RBFOX1: variants seen among roughly 807,000 people sequenced by gnomAD.
RBFOX1 encodes the protein RNA binding fox-1 homolog 1.
In RBFOX1, 8 loss-of-function variants were observed where a neutral mutation model predicts 57.7. The observed-to-expected ratio is 0.14, with a 90% CI of 0.08 to 0.25. The LOEUF (loss-of-function observed/expected upper bound fraction) is 0.25, where lower values mean the gene tolerates loss of function less well. Ranked by LOEUF, RBFOX1 falls within the 10% of genes least tolerant of loss-of-function variation. RBFOX1 has a pLI of 1.00. For missense variants in RBFOX1, 611 were observed against 548.5 expected, an observed-to-expected ratio of 1.11 and a Z score of -1.14; for synonymous variants, 326 against 222.4, an observed-to-expected ratio of 1.47 and a Z score of -4.15.
chr16:6,337,343 G>A (rs770787315), intron 2 of RBFOX1, among the ~76,000 whole-genome samples: 4 of 152,146 alleles, frequency 2.6e-5, no homozygotes, highest in Non-Finnish European at 4.4e-5. Flanking sequence ...TCTTAGCAGC[G>A]AATATGGGGT....
chr16:5,584,581 A>C (rs1168631973), intron 2 of RBFOX1, among the ~76,000 whole-genome samples: 2 of 152,104 alleles, frequency 1.3e-5, no homozygotes, highest in Admixed American at 1.3e-4. Flanking sequence ...TGTTTTCTGG[A>C]ACTTTTCCCT....
intron 3 of RBFOX1, among the ~76,000 whole-genome samples, chr16:5,751,193 A>G (rs995924349): frequency 3.3e-5 from 5 of 152,134 alleles, no homozygotes; most frequent in African/African-American, 1.2e-4. Context: ...GCTCTCCCCG[A>G]AGGCTGTAAT....
chr16:6,178,573 G>C (rs1567621831), intron 1 of RBFOX1, among the ~76,000 whole-genome samples: 1 of 152,224 alleles, frequency 6.6e-6, no homozygotes, highest in East Asian at 1.9e-4. Flanking sequence ...CTATGAAGGA[G>C]AGCATATTTT....
In RBFOX1 at chr16:5,270,863, G is replaced by A. The variant is rs561571748; in HGVS notation, c.219+30758G>A. The A allele has an allele frequency of 3.7e-4, 152 of 414,000 alleles. 2 individuals are homozygous for A. Among genetic ancestry groups the A allele is most frequent in the African/African-American group, 2.7e-3 (130 of 47,388 alleles). 25.6% of individuals were successfully genotyped at this position (414,000 alleles called of 1,614,324 possible). ...AAAGGCATGGAGCTTCATGGTGAAGGTAGTAGTTCTGGAAAACCCACTAGG... is the reference window on the plus strand; with the variant it reads ...AAAGGCATGGAGCTTCATGGTGAAGATAGTAGTTCTGGAAAACCCACTAGG... On this transcript the variant is annotated intron_variant, in intron 1 of 2. Coordinates refer to the RBFOX1 transcript ENST00000585867.
At chr16:6,931,331 A>ATC (rs56903970) in intron 3 of RBFOX1, among the ~76,000 whole-genome samples, 6,302 of 85,068 alleles carry the variant, frequency 0.074, 161 homozygotes, top group East Asian at 0.12. Flanking sequence ...CTATCTATCT[A>ATC]TCTATCTCTA....
chr16:5,800,626 C>A (rs183889146), intron 3 of RBFOX1, among the ~76,000 whole-genome samples: 1 of 152,098 alleles, frequency 6.6e-6, no homozygotes, highest in African/African-American at 2.4e-5. Flanking sequence ...CTCAGGGACA[C>A]TTTTAGTGGC....
chr16:6,882,444 A>G (rs1326853745), intron 3 of RBFOX1, among the ~76,000 whole-genome samples: 1 of 151,940 alleles, frequency 6.6e-6, no homozygotes, highest in Non-Finnish European at 1.5e-5. Context: ...AAAATACAAA[A>G]TTATCTGGGC....
At chr16:7,349,274 C>G (rs1046027233) in intron 4 of RBFOX1, among the ~76,000 whole-genome samples, 1 of 152,198 alleles carries the variant, frequency 6.6e-6, no homozygotes, top group Non-Finnish European at 1.5e-5. Context: ...ACCAACCAGA[C>G]TTGCCTTGTC....
At position 6,334,145 on chromosome 16, in the gene RBFOX1, C is replaced by T. The variant is rs112115926; in HGVS notation, c.-64+17088C>T. Among the ~76,000 whole-genome samples the T allele has an allele frequency of 7.1e-3, 1,080 of 152,052 alleles. 18 individuals are homozygous for T. Among genetic ancestry groups the T allele is most frequent in the African/African-American group, 0.024 (1,016 of 41,476 alleles). On this transcript the variant is annotated intron_variant, in intron 2 of 15. Coordinates refer to ENST00000550418, the MANE Select transcript of RBFOX1 (RefSeq NM_018723.4). ...TTACTTTAGGGTTATTGAGAGATGC[C>T]GGCTAGTGGTACTTGGAAAGATAAG...
At chr16:6,021,915 T>G (rs1275149958) in intron 1 of RBFOX1, among the ~76,000 whole-genome samples, 1 of 152,164 alleles carries the variant, frequency 6.6e-6, no homozygotes, top group Non-Finnish European at 1.5e-5. Flanking sequence ...TTCTATGAGT[T>G]TTGTTTCTTT....
At chr16:6,052,656 C>A (rs1362561564) in intron 1 of RBFOX1, among the ~76,000 whole-genome samples, 1 of 151,738 alleles carries the variant, frequency 6.6e-6, no homozygotes, top group African/African-American at 2.4e-5. Flanking sequence ...CGGTGGCGGG[C>A]GCCTGTAGTC....
intron 1 of RBFOX1, among the ~76,000 whole-genome samples, chr16:6,099,290 G>C (rs1044574878): frequency 6.6e-6 from 1 of 152,174 alleles, no homozygotes; most frequent in South Asian, 2.1e-4. Flanking sequence ...TGGTTCATTG[G>C]TGTATAGATG....
At chr16:7,686,760 A>C (rs576957909) in intron 14 of RBFOX1, among the ~76,000 whole-genome samples, 3 of 152,240 alleles carry the variant, frequency 2.0e-5, no homozygotes, top group African/African-American at 7.2e-5. Flanking sequence ...GCAACAAAGC[A>C]TGGTTTTCAG....
At chr16:6,982,900 G>A (rs937355416) in intron 3 of RBFOX1, among the ~76,000 whole-genome samples, 7 of 150,990 alleles carry the variant, frequency 4.6e-5, no homozygotes, top group African/African-American at 1.7e-4. Flanking sequence ...GGCTGAGGCA[G>A]GGAGAACAAC....
intron 3 of RBFOX1, among the ~76,000 whole-genome samples, chr16:7,025,371 G>C (rs1349687161): frequency 6.6e-6 from 1 of 152,078 alleles, no homozygotes; most frequent in African/African-American, 2.4e-5. Flanking sequence ...CTTCTTTACT[G>C]CAAACTGTTT....
At chr16:5,809,626 T>C (rs2055350556) in intron 3 of RBFOX1, among the ~76,000 whole-genome samples, 1 of 152,200 alleles carries the variant, frequency 6.6e-6, no homozygotes, top group African/African-American at 2.4e-5. Context: ...CACGATGAGA[T>C]ACCATCTCAC....
At chr16:5,845,308 C>G (rs780947680) in intron 3 of RBFOX1, among the ~76,000 whole-genome samples, 1 of 152,186 alleles carries the variant, frequency 6.6e-6, no homozygotes. Context: ...CCTCCTTCTT[C>G]TGGACCAATT....
intron 4 of RBFOX1, among the ~76,000 whole-genome samples, chr16:7,359,999 A>T (rs1300357824): frequency 6.6e-6 from 1 of 151,396 alleles, no homozygotes; most frequent in Non-Finnish European, 1.5e-5. Context: ...AAAACAAAAA[A>T]CAAACAAACA....
At chr16:5,737,384 G>A (rs1000530714) in intron 3 of RBFOX1, among the ~76,000 whole-genome samples, 2 of 152,096 alleles carry the variant, frequency 1.3e-5, no homozygotes, top group South Asian at 2.1e-4. Flanking sequence ...ACTTTGGAAG[G>A]CTGAGGCAGG....
Sources: gnomAD v4.1 joint callset for allele counts (sites outside exome capture counted in the v4.1 genomes callset) on GRCh38, gnomAD v4.1.1 for gene constraint, MANE v1.5 for transcripts, NCBI Gene and HGNC (gene_info 2026-07-23, HGNC 2026-07-21) for gene names.